The following DNAJC7 variants were observed in gnomAD, a reference collection of about 807,000 sequenced individuals.
The protein encoded by DNAJC7 is DnaJ heat shock protein family (Hsp40) member C7.
DNAJC7 carries 18 observed loss-of-function variants against 67.4 expected under a neutral mutation model. The observed-to-expected ratio is 0.27, with a 90% CI of 0.18 to 0.40. DNAJC7 has a LOEUF of 0.40. Among genes scored for constraint, DNAJC7 ranks in the 10% least tolerant of loss-of-function variants. The probability of loss-of-function intolerance (pLI) is 1.00; values close to 1 mark genes in which losing one functional copy is unlikely to be tolerated. For missense variants in DNAJC7, 419 were observed against 613.8 expected, an observed-to-expected ratio of 0.68 and a Z score of 3.35; for synonymous variants, 220 against 207.8, an observed-to-expected ratio of 1.06 and a Z score of -0.50.
At chr17:41,994,979 T>G (rs1567962625) in intron 4 of DNAJC7, 35 bp from the exon 5 acceptor site, 2 of 1,588,624 alleles carry the variant, frequency 1.3e-6, no homozygotes, top group African/African-American at 1.3e-5. Context: ...AAAGTTTTAA[T>G]GAAGCTGTAG....
intron 9 of DNAJC7, chr17:41,987,504 T>C (rs2051414315): frequency 3.1e-6 from 1 of 317,652 alleles, no homozygotes; most frequent in African/African-American, 2.2e-5. Context: ...AGAGCATAAG[T>C]GTACAACACA....
At chr17:41,983,944 A>G (rs959155161) in intron 9 of DNAJC7, among the ~76,000 whole-genome samples, 1 of 152,240 alleles carries the variant, frequency 6.6e-6, no homozygotes, top group Non-Finnish European at 1.5e-5. Flanking sequence ...ACTGCCTTAG[A>G]AAAGACAATG....
intron 1 of DNAJC7, among the ~76,000 whole-genome samples, chr17:42,003,769 A>G (rs1262867765): frequency 1.3e-5 from 2 of 152,060 alleles, no homozygotes; most frequent in African/African-American, 4.8e-5. Context: ...TTCCCAATGC[A>G]CTAAATTAAA....
chr17:42,003,690 A>G (rs1567967410), intron 1 of DNAJC7: 2 of 152,200 alleles, frequency 1.3e-5, no homozygotes, highest in East Asian at 1.9e-4. Context: ...CTACTGAAAC[A>G]CACCAGTACT....
chr17:42,017,046 C>G (rs1351659413), intron 1 of DNAJC7: 1 of 1,355,638 alleles, frequency 7.4e-7, no homozygotes, highest in East Asian at 3.1e-5. Flanking sequence ...CCACCTCGCA[C>G]CAGACCTCTG....
intron 9 of DNAJC7, among the ~76,000 whole-genome samples, chr17:41,986,646 G>A (rs954327683): frequency 7.1e-6 from 1 of 141,604 alleles, no homozygotes; most frequent in Admixed American, 7.4e-5. Flanking sequence ...TGCTTTTTTT[G>A]TCTTCCAAAG....
At chr17:41,976,805 G>C (rs782068251) in intron 13 of DNAJC7, 35 bp from the exon 14 acceptor site, 2 of 1,600,078 alleles carry the variant, frequency 1.2e-6, no homozygotes, top group East Asian at 4.5e-5. Flanking sequence ...AGTTGGCTAT[G>C]GATTTTCTAA....
In DNAJC7 at chr17:41,977,292, G is replaced by A. The variant is rs1177827224; in HGVS notation, c.1416C>T (p.Phe472=). 1 of 1,584,966 alleles carries A rather than the reference G, an allele frequency of 6.3e-7. No homozygotes were observed. Among genetic ancestry groups the A allele is most frequent in the Non-Finnish European group, 8.6e-7 (1 of 1,165,704 alleles). Residue 472 remains phenylalanine (F), a synonymous_variant, in exon 13 of 14, where the codon TTC becomes TTT. Transcript: ENST00000457167. ...AGCTGAAGCCGCCAGGACCGCCAAA[G>A]AATGCCTTGAAGATATTGTTTGGAT... ...DFDPNNIFKA[F]FGGPGGFSFE... is the part of the protein sequence containing the mutation.
chr17:41,982,336 T>G lies in DNAJC7; in HGVS notation c.1150A>C (p.Lys384Gln), dbSNP rs1315857233. Residue 384 changes from lysine (K) to glutamine (Q), a missense_variant, in exon 11 of 14, where the codon AAG becomes CAG. By Grantham distance (53) the Lys-to-Gln change is moderately conservative (BLOSUM62 1). Transcript: ENST00000457167. Reference protein sequence around the residue: ...LKKSKRKDYYKILGVDKNASE... With the variant: ...LKKSKRKDYYQILGVDKNASE... ...GCATTCTTGTCCACTCCTAGAATCTTGTAGTAATCTTTCCTCTTACTCTTC... is the reference window on the plus strand; with the variant it reads ...GCATTCTTGTCCACTCCTAGAATCTGGTAGTAATCTTTCCTCTTACTCTTC... The G allele has an allele frequency of 6.2e-7, 1 of 1,613,902 alleles. No homozygotes were observed. The highest frequency in any genetic ancestry group is 8.5e-7 in the Non-Finnish European group (1 of 1,179,896).
In DNAJC7 at chr17:41,977,315, G is replaced by T; in HGVS notation, c.1393C>A (p.Pro465Thr). Residue 465 changes from proline (P) to threonine (T), a missense_variant, in exon 13 of 14, where the codon CCA becomes ACA. By Grantham distance (38) the Pro-to-Thr change is conservative. Around this residue, in one of 4 missense-constraint regions of DNAJC7, gnomAD observed 161 missense variants for 252.2 expected, o/e 0.64. Transcript: ENST00000457167. The part of the protein sequence containing the change: ...EEGMNMGDFD[P>T]NNIFKAFFGG... ...AAGAATGCCTTGAAGATATTGTTTG[G>T]ATCAAAATCTGTAGAGCAGGGCAAG... The T allele has an allele frequency of 6.3e-7, 1 of 1,580,426 alleles. No individual in the cohort carries two copies. Among genetic ancestry groups the T allele is most frequent in the African/African-American group, 1.3e-5 (1 of 74,322 alleles).
intron 1 of DNAJC7, chr17:42,016,995 G>A (rs1255198483): frequency 3.1e-6 from 4 of 1,270,018 alleles, no homozygotes; most frequent in African/African-American, 1.5e-5. Context: ...GGGGGTCGGG[G>A]GCGATGTAAG....
chr17:41,977,755 T>C (rs907255646), intron 12 of DNAJC7: 2 of 156,656 alleles, frequency 1.3e-5, no homozygotes, highest in Non-Finnish European at 2.8e-5. Context: ...CTGTATTTGA[T>C]TCCATGTCTT....
At position 41,982,301 on chromosome 17, in the gene DNAJC7, G is replaced by A. The variant is rs781997382; in HGVS notation, c.1185C>T (p.Asp395=). The A allele has an allele frequency of 6.8e-6, 11 of 1,613,972 alleles. No individual in the cohort carries two copies. The highest frequency in any genetic ancestry group is 4.5e-5 in the East Asian group (2 of 44,880). ...GTTTCCGATAAGCTTTCTTGATCTC[G>A]TCCTCAGAGGCATTCTTGTCCACTC... The part of the protein sequence containing the change: ...ILGVDKNASE[D]EIKKAYRKRA... Residue 395 remains aspartate, a synonymous_variant, in exon 11 of 14, where the codon GAC becomes GAT. Coordinates refer to ENST00000457167, the MANE Select transcript of DNAJC7 (RefSeq NM_003315.4).
intron 9 of DNAJC7, chr17:41,984,816 C>A (rs903387858): frequency 3.3e-5 from 5 of 151,880 alleles, no homozygotes; most frequent in African/African-American, 9.7e-5. Context: ...TGCTACCACA[C>A]AAGCCCATTT....
rs782297350 is a variant in DNAJC7, at chr17:41,988,774, T to G, written c.876A>C (p.Thr292=). ...ALGIDPNNIK[T]NAKLYCNRGT... is the part of the protein sequence containing the mutation. ...CCCGATTACAGTAGAGTTTAGCATT[T>G]GTTTTTATATTGTTGGGGTCTATCC... Residue 292 remains threonine (T), a synonymous_variant, in exon 8 of 14, where the codon ACA becomes ACC. Transcript: ENST00000457167. 1 of 1,612,282 alleles carries G rather than the reference T, an allele frequency of 6.2e-7. No homozygotes were observed. The highest frequency in any genetic ancestry group is 1.3e-5 in the African/African-American group (1 of 74,820).
intron 12 of DNAJC7, among the ~76,000 whole-genome samples, chr17:41,979,902 AGT>A (rs1440698651): frequency 6.6e-6 from 1 of 151,342 alleles, no homozygotes; most frequent in Non-Finnish European, 1.5e-5. Flanking sequence ...CGGAGGTTGC[AGT>A]GAGTCGAGAT....
chr17:41,993,230 C>T (rs958671589), intron 5 of DNAJC7, among the ~76,000 whole-genome samples: 18 of 152,224 alleles, frequency 1.2e-4, no homozygotes, highest in South Asian at 2.1e-4. Context: ...GAGGCCAAGG[C>T]GGGAGGATCA....
chr17:42,007,877 C>T (rs577564919), intron 1 of DNAJC7, among the ~76,000 whole-genome samples: 61 of 130,110 alleles, frequency 4.7e-4, no homozygotes, highest in Admixed American at 2.0e-3. Flanking sequence ...CAGAATTTCG[C>T]TCTTGTTGCC....
intron 1 of DNAJC7, among the ~76,000 whole-genome samples, chr17:42,002,103 A>C (rs1172170578): frequency 2.0e-5 from 3 of 152,208 alleles, no homozygotes; most frequent in African/African-American, 7.2e-5. Flanking sequence ...ACTCTAAATT[A>C]AGCAAAGTGC....
Sources: allele counts gnomAD v4.1 joint callset (sites outside exome capture counted in the v4.1 genomes callset), GRCh38; gene constraint gnomAD v4.1.1; regional missense constraint gnomAD v4.1.1; transcripts MANE v1.5; gene names NCBI Gene and HGNC (gene_info 2026-07-23, HGNC 2026-07-21).